ROBO2: variants seen among roughly 807,000 people sequenced by gnomAD.
The protein encoded by ROBO2 is roundabout guidance receptor 2, also known as roundabout homolog 2.
A neutral mutation model predicts 160.8 loss-of-function variants in ROBO2; 53 were observed. The ratio of observed to expected loss-of-function variants is 0.33; its 90% CI spans 0.26 to 0.41. ROBO2 has a LOEUF of 0.41. Among genes scored for constraint, ROBO2 ranks in the 10% least tolerant of loss-of-function variants. The pLI is 1.00. For synonymous variants in ROBO2, 664 were observed against 611.7 expected (o/e 1.09, Z -1.26); for missense variants, 1,577 against 1,722.4 (o/e 0.92, Z 1.49).
chr3:77,568,943 A>C (rs911819411), intron 13 of ROBO2, among the ~76,000 whole-genome samples: 1 of 152,028 alleles, frequency 6.6e-6, no homozygotes, highest in Non-Finnish European at 1.5e-5. Context: ...TTCACTCTGC[A>C]TAATGTTTTT....
intron 2 of ROBO2, among the ~76,000 whole-genome samples, chr3:75,965,786 C>T (rs1238908025): frequency 6.6e-6 from 1 of 151,492 alleles, no homozygotes; most frequent in African/African-American, 2.4e-5. Context: ...AATTAACTGG[C>T]AAGTTACACC....
rs964992122 is a variant in ROBO2 at position 76,419,776 on chromosome 3, T to C, written c.109+482174T>C. Among the ~76,000 whole-genome samples, 2 of 152,162 alleles carry C rather than the reference T, an allele frequency of 1.3e-5. 1 individual carries two copies. The highest frequency in any genetic ancestry group is 4.1e-4 in the South Asian group (2 of 4,832). ...TAATGGGAATCATGTAGCTGAATCC[T>C]GGCAAATTGGACTGAATAGCTATTT... On this transcript the variant is annotated intron_variant, in intron 2 of 26. Coordinates refer to the ROBO2 transcript ENST00000487694.
intron 2 of ROBO2, among the ~76,000 whole-genome samples, chr3:77,456,253 G>C (rs2081626651): frequency 6.6e-6 from 1 of 152,158 alleles, no homozygotes; most frequent in Non-Finnish European, 1.5e-5. Flanking sequence ...AATAAAATTA[G>C]CCATCGAAGA....
rs185990336 is a variant in ROBO2, at chr3:76,552,279, G to A, written c.110-545735G>A. 1.1e-3 allele frequency among the ~76,000 whole-genome samples: 170 copies of A among 152,172 alleles called. 1 individual carries two copies. Among genetic ancestry groups the A allele is most frequent in the African/African-American group, 4.0e-3 (164 of 41,498 alleles). ...CCCAGAATTTTAGTATCTGTCGGGG[G>A]CCCTGGAACCAATCCCCCACAGATA... On this transcript the variant is annotated intron_variant, in intron 2 of 26. Transcript: ENST00000487694.
At chr3:77,085,929 A>C (rs1289120366) in intron 1 of ROBO2, among the ~76,000 whole-genome samples, 1 of 152,068 alleles carries the variant, frequency 6.6e-6, no homozygotes, top group African/African-American at 2.4e-5. Flanking sequence ...AAGTCATGTT[A>C]TTGTGCCCTC....
intron 2 of ROBO2, among the ~76,000 whole-genome samples, chr3:77,015,962 G>C (rs1319306952): frequency 6.6e-6 from 1 of 151,824 alleles, no homozygotes; most frequent in Admixed American, 6.6e-5. Context: ...GTTCTAATAT[G>C]TTATTTTTTT....
intron 2 of ROBO2, among the ~76,000 whole-genome samples, chr3:76,189,988 C>T (rs1017383557): frequency 2.2e-4 from 34 of 151,938 alleles, no homozygotes; most frequent in African/African-American, 7.5e-4. Context: ...AGAACACTTG[C>T]GTAAGAGAAA....
At chr3:76,895,363 A>G (rs761246792) in intron 2 of ROBO2, among the ~76,000 whole-genome samples, 2 of 152,132 alleles carry the variant, frequency 1.3e-5, no homozygotes, top group Non-Finnish European at 2.9e-5. Context: ...AATAAATAAA[A>G]TTTGTGATAG....
At chr3:76,023,166 G>A (rs1227686050) in intron 2 of ROBO2, among the ~76,000 whole-genome samples, 1 of 151,590 alleles carries the variant, frequency 6.6e-6, no homozygotes, top group East Asian at 1.9e-4. Context: ...TAGTTGCTTT[G>A]ATTTTCTATC....
chr3:77,540,363 G>T (rs1035872818), intron 6 of ROBO2, among the ~76,000 whole-genome samples: 1 of 152,084 alleles, frequency 6.6e-6, no homozygotes, highest in African/African-American at 2.4e-5. Context: ...TCAGATCTTG[G>T]TTCGAACGGA....
At chr3:76,659,518 C>G (rs534671272) in intron 2 of ROBO2, among the ~76,000 whole-genome samples, 2 of 151,756 alleles carry the variant, frequency 1.3e-5, no homozygotes, top group East Asian at 1.9e-4. Context: ...ATCGGCTCAC[C>G]CTGTACTATA....
intron 2 of ROBO2, among the ~76,000 whole-genome samples, chr3:75,971,300 C>G (rs1006540050): frequency 6.6e-6 from 1 of 151,464 alleles, no homozygotes; most frequent in Non-Finnish European, 1.5e-5. Context: ...GGTATCATCT[C>G]TCTCAGAGAT....
At chr3:76,650,869 T>G (rs1385178613) in intron 2 of ROBO2, among the ~76,000 whole-genome samples, 1 of 152,188 alleles carries the variant, frequency 6.6e-6, no homozygotes, top group African/African-American at 2.4e-5. Context: ...GATTAAACCT[T>G]AAGACGTTAA....
chr3:77,614,314 A>G (rs1318608752), intron 21 of ROBO2, among the ~76,000 whole-genome samples: 2 of 152,222 alleles, frequency 1.3e-5, no homozygotes, highest in African/African-American at 4.8e-5. Context: ...GATCTCCAAC[A>G]TATAAAACAG....
At chr3:76,308,860 C>T (rs975242453) in intron 2 of ROBO2, among the ~76,000 whole-genome samples, 1 of 152,132 alleles carries the variant, frequency 6.6e-6, no homozygotes, top group African/African-American at 2.4e-5. Context: ...GGAAAGAAAC[C>T]TTGGAAATCT....
At chr3:77,492,740 T>C (rs1223436101) in intron 4 of ROBO2, among the ~76,000 whole-genome samples, 2 of 152,154 alleles carry the variant, frequency 1.3e-5, no homozygotes, top group Non-Finnish European at 2.9e-5. Context: ...TATCAAATCA[T>C]AGCTTAAGTG....
chr3:76,949,873 A>T (rs1201231618), intron 2 of ROBO2, among the ~76,000 whole-genome samples: 1 of 152,206 alleles, frequency 6.6e-6, no homozygotes, highest in Non-Finnish European at 1.5e-5. Context: ...CAAGCTTTGT[A>T]TTTAATCTAT....
chr3:76,003,311 A>G (rs946134519), intron 2 of ROBO2, among the ~76,000 whole-genome samples: 7 of 152,212 alleles, frequency 4.6e-5, no homozygotes, highest in Non-Finnish European at 8.8e-5. Context: ...GTACATAGAC[A>G]GGCTCTTTCA....
intron 2 of ROBO2, among the ~76,000 whole-genome samples, chr3:76,934,672 C>T (rs997353229): frequency 1.3e-5 from 2 of 152,000 alleles, no homozygotes; most frequent in Non-Finnish European, 2.9e-5. Flanking sequence ...ACCCGGGAGG[C>T]GGAGGTTGCA....
Sources: allele counts gnomAD v4.1 joint callset (sites outside exome capture counted in the v4.1 genomes callset), GRCh38; gene constraint gnomAD v4.1.1; transcripts MANE v1.5; gene names NCBI Gene and HGNC (gene_info 2026-07-23, HGNC 2026-07-21).